The following AXL variants were observed in gnomAD, a reference collection of about 807,000 sequenced individuals.
The protein encoded by AXL is AXL receptor tyrosine kinase.
A neutral mutation model predicts 104.5 loss-of-function variants in AXL; 52 were observed. That is an observed-to-expected ratio of 0.50 (90% CI 0.40 to 0.63). The LOEUF (loss-of-function observed/expected upper bound fraction) is 0.63. Ranked by LOEUF, AXL falls within the 20% of genes least tolerant of loss-of-function variation. AXL has a pLI of 0.00. For missense variants in AXL, 1,024 were observed against 1,188.5 expected (o/e 0.86, Z 2.04); for synonymous variants, 455 against 473.7 (o/e 0.96, Z 0.51).
In AXL at chr19:41,220,742, C is replaced by T. The variant is rs1362474606; in HGVS notation, c.192C>T (p.Pro64=). Residue 64 remains proline (P), a synonymous_variant, in exon 2 of 20, where the codon CCC becomes CCT. Transcript: ENST00000301178. Reference sequence around the variant, plus strand: ...GTCAGCTCCAGGTTCAGGGAGAGCCCCCCGAGGTACATTGGCTTCGGGATG... The same window carrying T: ...GTCAGCTCCAGGTTCAGGGAGAGCCTCCCGAGGTACATTGGCTTCGGGATG... ...LRCQLQVQGE[P]PEVHWLRDGQ... 2 of 1,614,146 alleles carry T rather than the reference C, an allele frequency of 1.2e-6. No individual in the cohort carries two copies. Among genetic ancestry groups the T allele is most frequent in the South Asian group, 2.2e-5 (2 of 91,078 alleles).
At position 41,234,459 on chromosome 19, in the gene AXL, A is replaced by T. The variant is rs193058906; in HGVS notation, c.783+3161A>T. 2.0e-4 allele frequency among the ~76,000 whole-genome samples: 30 copies of T among 152,110 alleles called. No individual in the cohort carries two copies. In the East Asian group the frequency reaches 5.0e-3, roughly 25 times the overall value. ...AACATGGTGAAACGCCATCTCTCCA[A>T]ATAATTAAAAAATTAGGTGGGGCTG... On this transcript the variant is annotated intron_variant, in intron 6 of 19. Transcript: ENST00000301178.
chr19:41,252,435 G>A lies in AXL; in HGVS notation c.1796G>A (p.Arg599Lys). ...GAATTTGACCATCCCAACGTCATGAGGCTCATCGGTGAGAGAGGGGCAGAT... is the reference window on the plus strand; with the variant it reads ...GAATTTGACCATCCCAACGTCATGAAGCTCATCGGTGAGAGAGGGGCAGAT... Reference protein sequence around the residue: ...MKEFDHPNVMRLIGVCFQGSE... With the variant: ...MKEFDHPNVMKLIGVCFQGSE... Residue 599 changes from arginine to lysine, a missense_variant, in exon 15 of 20, where the codon AGG becomes AAG. Transcript: ENST00000301178. 1.9e-6 allele frequency: 3 copies of A among 1,614,028 alleles called. No individual in the cohort carries two copies. Among genetic ancestry groups the A allele is most frequent in the Non-Finnish European group, 2.5e-6 (3 of 1,179,956 alleles).
intron 17 of AXL, among the ~76,000 whole-genome samples, chr19:41,255,085 G>A (rs962839893): frequency 1.3e-5 from 2 of 152,188 alleles, no homozygotes; most frequent in Non-Finnish European, 2.9e-5. Flanking sequence ...CCGCCAAGTG[G>A]TACCCACTAT....
rs182481095 is a variant in AXL, at chr19:41,219,402, C to A, written c.10C>A (p.Arg4=). ...GGAAAGTTTGGCACCCATGGCGTGG[C>A]GGTGCCCCAGGATGGGCAGGGTCCC... MAW[R]CPRMGRVPLA... is the part of the protein sequence containing the mutation. Residue 4 remains arginine (R), a synonymous_variant, in exon 1 of 20, where the codon CGG becomes AGG. Coordinates refer to ENST00000301178, the MANE Select transcript of AXL (RefSeq NM_021913.5). The A allele has an allele frequency of 2.5e-6, 4 of 1,599,556 alleles. No individual in the cohort carries two copies. The African/African-American group carries it at 4.0e-5, about 16-fold the overall frequency.
chr19:41,226,066 G>A (rs1332347293), intron 4 of AXL, among the ~76,000 whole-genome samples: 2 of 152,242 alleles, frequency 1.3e-5, no homozygotes, highest in Admixed American at 6.5e-5. Flanking sequence ...GGAGGGGAAG[G>A]GGTCCCAGTT....
chr19:41,255,013 G>A (rs1376446223), intron 17 of AXL, among the ~76,000 whole-genome samples: 29 of 152,218 alleles, frequency 1.9e-4, no homozygotes, highest in Admixed American at 1.8e-3. Flanking sequence ...ACTAGATGAA[G>A]GTAAAGAATA....
Position 41,221,186 on chromosome 19 carries a change from T to C in AXL, c.349T>C (p.Cys117Arg), listed in dbSNP as rs781434711. Residue 117 changes from cysteine (C) to arginine (R), a missense_variant, in exon 3 of 20, where the codon TGT (cysteine) becomes CGT (arginine). By Grantham distance (180) the Cys-to-Arg change is radical. Around this residue, in one of 5 missense-constraint regions of AXL, gnomAD observed 41 missense variants for 76.2 expected, o/e 0.54. Transcript: ENST00000301178. ...LQLSDTGQYQ[C>R]LVFLGHQTFV... ...GCTTTCCGACACGGGACAGTACCAG[T>C]GTTTGGTGTTTCTGGGACATCAGAC... 1.2e-6 allele frequency: 2 copies of C among 1,613,812 alleles called. No homozygotes were observed. Among genetic ancestry groups the C allele is most frequent in the East Asian group, 2.2e-5 (1 of 44,868 alleles).
chr19:41,232,636 A>AG (rs902626074), intron 6 of AXL, among the ~76,000 whole-genome samples: 48 of 152,134 alleles, frequency 3.2e-4, no homozygotes, highest in East Asian at 1.5e-3. Flanking sequence ...GAAAAAAAAA[A>AG]AAAGAAAGAA....
chr19:41,252,124 A>G (rs1326604101), intron 14 of AXL, among the ~76,000 whole-genome samples: 2 of 147,200 alleles, frequency 1.4e-5, no homozygotes, highest in African/African-American at 2.5e-5. Context: ...AAAAAAAAAA[A>G]AAAAGAAAAT....
intron 4 of AXL, among the ~76,000 whole-genome samples, chr19:41,225,489 T>C (rs1322887770): frequency 6.6e-6 from 1 of 152,218 alleles, no homozygotes; most frequent in Non-Finnish European, 1.5e-5. Context: ...CTCAACTCCA[T>C]GTACGCTGTT....
In AXL at chr19:41,259,634, C is replaced by A. The variant is rs2034504386; in HGVS notation, c.2415C>A (p.Asn805Lys). The A allele has an allele frequency of 6.2e-7, 1 of 1,613,904 alleles. No individual in the cohort carries two copies. The highest frequency in any genetic ancestry group is 1.1e-5 in the South Asian group (1 of 91,072). ...CAGAGCTGCGGGAAGATTTGGAGAA[C>A]ACACTGAAGGCCTTGCCTCCTGCCC... ...SFTELREDLE[N>K]TLKALPPAQE... Residue 805 changes from asparagine to lysine, a missense_variant, in exon 20 of 20, where the codon AAC becomes AAA. Asn to Lys is a moderately conservative substitution (Grantham distance 94). Transcript: ENST00000301178.
Position 41,238,149 on chromosome 19 carries a change from AG to A in AXL, c.992del (p.Gly331GlufsTer35). The A allele has an allele frequency of 6.2e-7, 1 of 1,613,874 alleles. No homozygotes were observed. The highest frequency in any genetic ancestry group is 8.5e-7 in the Non-Finnish European group (1 of 1,179,922). On this transcript the variant is annotated frameshift_variant, in exon 7 of 20. Coordinates refer to ENST00000301178, the MANE Select transcript of AXL (RefSeq NM_021913.5). LOFTEE classifies it high-confidence loss of function. ...CACTGGCTTCCTGTGGAGACGCCGG[AG>A]GGAGGTAAGAAGGGTTGGGGAGGGA... ...WTHWLPVETP[E>X]GVPLGPPENI...
Position 41,248,728 on chromosome 19 carries a change from T to C in AXL, c.1634-15T>C. On this transcript the variant is annotated splice_polypyrimidine_tract_variant and intron_variant, in intron 13 of 19. Transcript: ENST00000301178. ...GGGCCCTCTGAGGTCAGTGTCTCCCTCTGGCCCCCCACAGGAGAGTTTGGA... is the reference window on the plus strand; with the variant it reads ...GGGCCCTCTGAGGTCAGTGTCTCCCCCTGGCCCCCCACAGGAGAGTTTGGA... The C allele has an allele frequency of 6.2e-7, 1 of 1,613,996 alleles. No individual in the cohort carries two copies. Among genetic ancestry groups the C allele is most frequent in the Non-Finnish European group, 8.5e-7 (1 of 1,179,968 alleles).
chr19:41,251,447 A>T (rs1643534857), intron 14 of AXL, among the ~76,000 whole-genome samples: 1 of 152,008 alleles, frequency 6.6e-6, no homozygotes, highest in African/African-American at 2.4e-5. Flanking sequence ...CTGTAATCCC[A>T]GCTACTCGGG....
chr19:41,239,068 G>A, intron 8 of AXL, 96 bp from the exon 9 acceptor site: 1 of 1,409,656 alleles, frequency 7.1e-7, no homozygotes, highest in Non-Finnish European at 9.8e-7. Flanking sequence ...GATGGGGAGA[G>A]CGTTTTGAGA....
chr19:41,248,312 G>T lies in AXL; in HGVS notation c.1538-202G>T, dbSNP rs11882467. ...AGAGCGTGGCCAGGCTTTACCCCTT[G>T]AGTTCCCTTTGAGGGAAGGTTCAGG... On this transcript the variant is annotated intron_variant, in intron 12 of 19. Coordinates refer to ENST00000301178, the MANE Select transcript of AXL (RefSeq NM_021913.5). 0.36 allele frequency among the ~76,000 whole-genome samples: 54,176 copies of T among 152,178 alleles called. 10,524 individuals are homozygous for T. The highest frequency in any genetic ancestry group is 0.52 in the African/African-American group (21,399 of 41,508).
At chr19:41,256,878 G>A (rs547710741) in intron 18 of AXL, among the ~76,000 whole-genome samples, 16 of 152,326 alleles carry the variant, frequency 1.1e-4, no homozygotes, top group African/African-American at 2.9e-4. Flanking sequence ...GTGATTATGC[G>A]TGCATGTGCG....
At chr19:41,241,350 C>CT (rs890543010) in intron 10 of AXL, among the ~76,000 whole-genome samples, 1 of 152,054 alleles carries the variant, frequency 6.6e-6, no homozygotes, top group African/African-American at 2.4e-5. Context: ...CAAGACCAGC[C>CT]TGGCCAACAT....
chr19:41,231,521 T>G (rs1363289287), intron 6 of AXL, among the ~76,000 whole-genome samples: 2 of 152,180 alleles, frequency 1.3e-5, no homozygotes, highest in Admixed American at 6.6e-5. Context: ...TCAGCTCTCT[T>G]GTCTACAAAA....
Sources: allele counts gnomAD v4.1 joint callset (sites outside exome capture counted in the v4.1 genomes callset), GRCh38; gene constraint gnomAD v4.1.1; regional missense constraint gnomAD v4.1.1; transcripts MANE v1.5; gene names NCBI Gene and HGNC (gene_info 2026-07-23, HGNC 2026-07-21).